Variants in ARSL observed in about 807,000 individuals in gnomAD.
The protein encoded by ARSL is arylsulfatase E (chondrodysplasia punctata 1).
ARSL carries 4 observed loss-of-function variants against 31.1 expected under a neutral mutation model. The observed-to-expected ratio is 0.13, with a 90% CI of 0.06 to 0.29. The LOEUF is 0.29. Among genes scored for constraint, ARSL ranks in the 10% least tolerant of loss-of-function variants. The probability of loss-of-function intolerance (pLI) is 1.00; values close to 1 mark genes in which losing one functional copy is unlikely to be tolerated. For synonymous variants in ARSL, 198 were observed against 209.9 expected, an observed-to-expected ratio of 0.94 and a Z score of 0.49; for missense variants, 312 against 497.8, an observed-to-expected ratio of 0.63 and a Z score of 3.55.
intron 7 of ARSL, among the ~76,000 whole-genome samples, 160 bp from the exon 8 acceptor site, chrX:2,943,359 T>C (rs1364708370): frequency 7.2e-5 from 8 of 111,803 alleles, no homozygotes; most frequent in Non-Finnish European, 1.5e-4. Context: ...ATATCCTTTG[T>C]TGGAGATTGA....
At chrX:2,950,901 G>T (rs1012146352) in intron 5 of ARSL, among the ~76,000 whole-genome samples, 3 of 110,305 alleles carry the variant, frequency 2.7e-5, no homozygotes, top group African/African-American at 9.9e-5. Flanking sequence ...CCAGCTCCTG[G>T]TGGCTCCAGC....
intron 1 of ARSL, among the ~76,000 whole-genome samples, chrX:2,961,942 G>A (rs867508865): frequency 4.7e-5 from 5 of 105,865 alleles, no homozygotes; most frequent in Non-Finnish European, 7.7e-5. Context: ...GTGCAATGGC[G>A]CGATCTTGGC....
chrX:2,961,637 G>C (rs986936774), intron 1 of ARSL, among the ~76,000 whole-genome samples: 1 of 111,955 alleles, frequency 8.9e-6, no homozygotes, highest in Non-Finnish European at 1.9e-5. Flanking sequence ...CATCTGTAAA[G>C]ATGTAAAGAA....
chrX:2,960,162 G>A (rs772042236), intron 2 of ARSL, among the ~76,000 whole-genome samples: 4 of 84,482 alleles, frequency 4.7e-5, no homozygotes, highest in South Asian at 6.4e-4. Context: ...CCAGCTACTC[G>A]GGAGGCTGAG....
chrX:2,942,712 T>C (rs746100423), intron 8 of ARSL, among the ~76,000 whole-genome samples: 143 of 111,919 alleles, frequency 1.3e-3, no homozygotes, highest in Middle Eastern at 4.6e-3. Flanking sequence ...AGTGCACACT[T>C]ACACGCAGAC....
intron 2 of ARSL, among the ~76,000 whole-genome samples, chrX:2,959,446 A>T (rs765786700): frequency 1.8e-5 from 2 of 111,364 alleles, no homozygotes; most frequent in East Asian, 5.7e-4. Flanking sequence ...CATCGATGCC[A>T]CCCTGGGAAT....
At chrX:2,948,891 G>A (rs1033268317) in intron 6 of ARSL, among the ~76,000 whole-genome samples, 1 of 111,188 alleles carries the variant, frequency 9.0e-6, no homozygotes, top group Non-Finnish European at 1.9e-5. Context: ...TCTAGGTCAT[G>A]GCTATCCCAT....
intron 6 of ARSL, among the ~76,000 whole-genome samples, chrX:2,948,454 C>A (rs961501445): frequency 1.8e-5 from 2 of 111,378 alleles, no homozygotes; most frequent in Admixed American, 1.9e-4. Flanking sequence ...TCCGAGGATG[C>A]TAATGGAATA....
chrX:2,957,649 C>A (rs1043953760), intron 3 of ARSL, among the ~76,000 whole-genome samples: 2 of 103,655 alleles, frequency 1.9e-5, no homozygotes, highest in African/African-American at 3.6e-5. Context: ...GCGGAGGTTG[C>A]AGTGAGCCGA....
chrX:2,963,881 G>A lies in ARSL; in HGVS notation c.-21+343C>T, dbSNP rs184657650. Among the ~76,000 whole-genome samples the A allele has an allele frequency of 2.9e-3, 318 of 110,227 alleles. 1 individual carries two copies. Among genetic ancestry groups the A allele is most frequent in the African/African-American group, 0.01 (306 of 30,248 alleles). On this transcript the variant is annotated intron_variant, in intron 1 of 10. Coordinates refer to ENST00000381134, the MANE Select transcript of ARSL (RefSeq NM_000047.3). Reference sequence around the variant, plus strand: ...CTCCCGCAATGTTATGTATTTATAAGTAAAAATATGAATATTTTTTCTTGG... The same window carrying A: ...CTCCCGCAATGTTATGTATTTATAAATAAAAATATGAATATTTTTTCTTGG...
Position 2,946,048 on chromosome X carries a change from C to T in ARSL, c.941G>A (p.Ser314Asn). 1 of 1,210,831 alleles carries T rather than the reference C, an allele frequency of 8.3e-7. No individual in the cohort carries two copies. Reference protein sequence around the residue: ...LITMENFLGKSLHGLYGDNVE... With the variant: ...LITMENFLGKNLHGLYGDNVE... ...GTTGTCCCCATACAGCCCGTGGAGA[C>T]TCTTCCCGAGGAAGTTCTCCATAGT... Residue 314 changes from serine to asparagine, a missense_variant, in exon 7 of 11, where the codon AGT becomes AAT. Ser to Asn is a conservative substitution (Grantham distance 46, BLOSUM62 1). Transcript: ENST00000381134.
At chrX:2,967,473 C>G (rs2089707870), upstream of ARSL, among the ~76,000 whole-genome samples, 1 of 111,490 alleles carries the variant, frequency 9.0e-6, no homozygotes, top group African/African-American at 3.3e-5. Flanking sequence ...GTGGCTCACA[C>G]TTGTAATCCC....
intron 6 of ARSL, 95 bp from the exon 7 acceptor site, chrX:2,946,229 A>G (rs2089377327): frequency 1.2e-6 from 1 of 858,185 alleles, no homozygotes; most frequent in Non-Finnish European, 1.7e-6. Flanking sequence ...TTGTCACATC[A>G]TTACTCAAAT....
At chrX:2,945,625 A>C (rs1208080827) in intron 7 of ARSL, among the ~76,000 whole-genome samples, 1 of 111,392 alleles carries the variant, frequency 9.0e-6, no homozygotes, top group African/African-American at 3.3e-5. Flanking sequence ...CTTTGGGGCC[A>C]TTATTCTGTC....
chrX:2,939,211 AGAG>A (rs2089246819), intron 8 of ARSL, among the ~76,000 whole-genome samples: 1 of 111,545 alleles, frequency 9.0e-6, no homozygotes, highest in Non-Finnish European at 1.9e-5. Flanking sequence ...ACACAGACAC[AGAG>A]GAGAAGGCCA....
At chrX:2,968,185 T>C, upstream of ARSL, 1 of 1,154,351 alleles carries the variant, frequency 8.7e-7, no homozygotes. Context: ...ACTGGCTGGA[T>C]GTAGCGGGGA....
At chrX:2,955,028 A>T (rs1393038444) in intron 4 of ARSL, among the ~76,000 whole-genome samples, 1 of 111,449 alleles carries the variant, frequency 9.0e-6, no homozygotes, top group East Asian at 2.8e-4. Context: ...TGAAAATCTC[A>T]TAAAAGTGAT....
chrX:2,965,339 A>G (rs1259858067), upstream of ARSL, among the ~76,000 whole-genome samples: 3 of 108,235 alleles, frequency 2.8e-5, no homozygotes, highest in East Asian at 8.8e-4. Context: ...TGTCTCTGCT[A>G]AAAATAGAAA....
chrX:2,944,606 G>C (rs1156970921), intron 7 of ARSL, among the ~76,000 whole-genome samples: 2 of 108,471 alleles, frequency 1.8e-5, no homozygotes, highest in Non-Finnish European at 3.8e-5. Context: ...CCAAATCTCT[G>C]ATGGCAATTA....
Sources: gnomAD v4.1 joint callset for allele counts (sites outside exome capture counted in the v4.1 genomes callset) on GRCh38, gnomAD v4.1.1 for gene constraint, MANE v1.5 for transcripts, NCBI Gene and HGNC (gene_info 2026-07-23, HGNC 2026-07-21) for gene names.